Variants in SGK1 observed in about 807,000 individuals in gnomAD.
SGK1 encodes the protein serine/threonine-protein kinase Sgk1.
Under a neutral mutation model 64.2 loss-of-function variants are expected in SGK1, and 26 were observed. The ratio of observed to expected loss-of-function variants is 0.40; its 90% CI spans 0.30 to 0.56. SGK1 has a LOEUF of 0.56. Among genes scored for constraint, SGK1 ranks in the 20% least tolerant of loss-of-function variants. The pLI, the probability that SGK1 is intolerant of heterozygous loss-of-function variation, is 0.38. For missense variants in SGK1, 519 were observed against 645.6 expected (o/e 0.80, Z 2.12); for synonymous variants, 265 against 239.7 (o/e 1.11, Z -0.98).
At chr6:134,298,425 CT>C in intron 1 of SGK1, 1 of 965,386 alleles carries the variant, frequency 1.0e-6, no homozygotes, top group Non-Finnish European at 1.7e-6. Context: ...TCTTCCCCTT[CT>C]TTTGGGTGCG....
intron 1 of SGK1, chr6:134,296,960 C>T (rs572713166): frequency 1.2e-5 from 5 of 414,980 alleles, no homozygotes; most frequent in African/African-American, 8.2e-5. Context: ...GGGGCAGCCG[C>T]AAGAGGGGCA....
At chr6:134,170,497 T>C (rs1254299489) in intron 13 of SGK1, 62 bp from the exon 14 acceptor site, 1 of 1,481,714 alleles carries the variant, frequency 6.7e-7, no homozygotes, top group African/African-American at 1.4e-5. Flanking sequence ...GACAGGGAAA[T>C]CTTGACCAGG....
chr6:134,309,372 C>T (rs1312845204), intron 1 of SGK1, among the ~76,000 whole-genome samples: 2 of 152,182 alleles, frequency 1.3e-5, no homozygotes, highest in Admixed American at 6.5e-5. Flanking sequence ...CCTCCTCCTG[C>T]ACCTCCTTCA....
At position 134,232,443 on chromosome 6, in the gene SGK1, G is replaced by GAA. The variant is rs1381781003; in HGVS notation, c.286-25014_286-25013dup. On this transcript the variant is annotated intron_variant, in intron 2 of 13. Coordinates refer to ENST00000367858, the MANE Select transcript of SGK1 (RefSeq NM_001143676.3). ...AGAAAGAAAGAAAGAAAGAAAGAAAGAAAGAAAGAAAGAAAGAAAGAAAGA... is the reference window on the plus strand; with the variant it reads ...AGAAAGAAAGAAAGAAAGAAAGAAAGAAAAAGAAAGAAAGAAAGAAAGAAAGA... Among the ~76,000 whole-genome samples the GAA allele has an allele frequency of 1.8e-3, 58 of 32,016 alleles. 1 individual carries two copies. The highest frequency in any genetic ancestry group is 3.4e-3 in the Non-Finnish European group (49 of 14,490). The allele number at this position is 32,016 out of a possible 152,430, so 21.0% of individuals were successfully genotyped here.
chr6:134,219,489 G>A (rs751938319), intron 2 of SGK1, among the ~76,000 whole-genome samples: 37 of 152,194 alleles, frequency 2.4e-4, no homozygotes, highest in Admixed American at 7.9e-4. Context: ...GGCCAGCCGC[G>A]GTATCTCACG....
At chr6:134,191,577 T>C (rs1281819901) in intron 3 of SGK1, among the ~76,000 whole-genome samples, 1 of 152,212 alleles carries the variant, frequency 6.6e-6, no homozygotes, top group Admixed American at 6.5e-5. Context: ...AGTTCCACAG[T>C]TAAGTCCACC....
chr6:134,240,383 C>T (rs1208937438), intron 2 of SGK1, among the ~76,000 whole-genome samples: 32 of 150,930 alleles, frequency 2.1e-4, no homozygotes, highest in Admixed American at 2.0e-3. Context: ...CAATAAATAA[C>T]CATGTCAGTA....
At chr6:134,206,358 T>G (rs1423646856) in intron 3 of SGK1, among the ~76,000 whole-genome samples, 2 of 8,224 alleles carry the variant, frequency 2.4e-4, no homozygotes, top group African/African-American at 6.7e-4. Context: ...TATATATATA[T>G]ATATATATAT....
At chr6:134,228,735 G>C (rs988604630) in intron 2 of SGK1, among the ~76,000 whole-genome samples, 2 of 152,140 alleles carry the variant, frequency 1.3e-5, no homozygotes, top group East Asian at 3.8e-4. Context: ...AAACAGATAC[G>C]GGTGTTTGCT....
chr6:134,203,505 T>TA (rs966311710), intron 3 of SGK1, among the ~76,000 whole-genome samples: 10 of 151,550 alleles, frequency 6.6e-5, no homozygotes, highest in Non-Finnish European at 1.2e-4. Flanking sequence ...ACATCACAAG[T>TA]AAAAAAAACA....
rs1233823555 is a variant in SGK1 at position 134,206,361 on chromosome 6, ATATATATATATATATATATATATTTTTT to A, written c.361+967_361+994del. Among the ~76,000 whole-genome samples, 25 of 80,584 alleles carry A rather than the reference ATATATATATATATATATATATATTTTTT, an allele frequency of 3.1e-4. 1 individual carries two copies. Among genetic ancestry groups the A allele is most frequent in the African/African-American group, 1.7e-3 (24 of 14,490 alleles). The allele number at this position is 80,584 out of a possible 152,430, so 52.9% of individuals were successfully genotyped here. On this transcript the variant is annotated intron_variant, in intron 3 of 13. Transcript: ENST00000367858. ...ATGATATATATATATATATATATAT[ATATATATATATATATATATATATTTTTT>A]TTTTTTTTTTTTTTTTTTAAATGAC...
At position 134,170,225 on chromosome 6, in the gene SGK1, G is replaced by T; in HGVS notation, c.*43C>A. The T allele has an allele frequency of 6.5e-7, 1 of 1,529,492 alleles. No individual in the cohort carries two copies. 94.7% of individuals were successfully genotyped at this position (1,529,492 alleles called of 1,614,324 possible). A position where few individuals can be genotyped will look rare whatever the true frequency, so the allele number is the denominator to read the frequency against. On this transcript the variant is annotated 3_prime_UTR_variant, in exon 14 of 14. Coordinates refer to ENST00000367858, the MANE Select transcript of SGK1 (RefSeq NM_001143676.3). ...CACCAAAAGGCTAACTAAAACATTC[G>T]GAAACACACATAAAATCCTTTAAAA...
intron 1 of SGK1, chr6:134,298,172 A>T (rs1018761826): frequency 2.6e-5 from 35 of 1,369,434 alleles, no homozygotes; most frequent in Admixed American, 1.8e-4. Context: ...AAGCTTATTG[A>T]TCTCATCCTC....
chr6:134,281,296 G>A (rs2114770120), intron 1 of SGK1, among the ~76,000 whole-genome samples: 1 of 152,272 alleles, frequency 6.6e-6, no homozygotes, highest in South Asian at 2.1e-4. Context: ...CCTATTAGAT[G>A]TGTGGTCTTG....
chr6:134,225,026 A>G (rs1158699292), intron 2 of SGK1, among the ~76,000 whole-genome samples: 5 of 150,028 alleles, frequency 3.3e-5, no homozygotes, highest in South Asian at 2.1e-4. Flanking sequence ...AAAAAAAAGA[A>G]AAAAGAAAGA....
Position 134,173,007 on chromosome 6 carries a change from T to C in SGK1, c.834+16A>G, listed in dbSNP as rs1050643230. On this transcript the variant is annotated intron_variant, in intron 8 of 13. Coordinates refer to ENST00000367858, the MANE Select transcript of SGK1 (RefSeq NM_001143676.3). ...TGCAGAGACACTAAGAGTTGACTTCTATCCCCCCTGCTCACCTCTCCACCA... is the reference window on the plus strand; with the variant it reads ...TGCAGAGACACTAAGAGTTGACTTCCATCCCCCCTGCTCACCTCTCCACCA... 1.9e-6 allele frequency: 3 copies of C among 1,603,594 alleles called. No homozygotes were observed. The highest frequency in any genetic ancestry group is 2.7e-5 in the African/African-American group (2 of 74,564).
At chr6:134,183,441 T>A (rs72972219) in intron 3 of SGK1, among the ~76,000 whole-genome samples, 30 of 152,274 alleles carry the variant, frequency 2.0e-4, no homozygotes, top group African/African-American at 7.2e-4. Context: ...TTAATGTGAA[T>A]GGGTTCTTGA....
chr6:134,187,866 G>T (rs1223505145), intron 3 of SGK1, among the ~76,000 whole-genome samples: 1 of 152,178 alleles, frequency 6.6e-6, no homozygotes, highest in East Asian at 1.9e-4. Context: ...TTCCATGATG[G>T]AAGCTGTCCA....
intron 3 of SGK1, among the ~76,000 whole-genome samples, chr6:134,195,357 G>A (rs924825646): frequency 1.3e-5 from 2 of 152,152 alleles, no homozygotes; most frequent in Non-Finnish European, 2.9e-5. Flanking sequence ...TGCTCCAATT[G>A]GAAAGCTTCA....
Sources: gnomAD v4.1 joint callset for allele counts (sites outside exome capture counted in the v4.1 genomes callset) on GRCh38, gnomAD v4.1.1 for gene constraint, MANE v1.5 for transcripts, NCBI Gene and HGNC (gene_info 2026-07-23, HGNC 2026-07-21) for gene names.